Variants in TMCC1 observed in about 807,000 individuals in gnomAD.
TMCC1 encodes the protein transmembrane and coiled-coil domain family 1.
In TMCC1, 15 loss-of-function variants were observed where a neutral mutation model predicts 52.4. The ratio of observed to expected loss-of-function variants is 0.29; its 90% confidence interval spans 0.19 to 0.44. The LOEUF is 0.44. TMCC1 is among the 20% of genes least tolerant of loss of function. The probability of loss-of-function intolerance (pLI) is 1.00; values close to 1 mark genes in which losing one functional copy is unlikely to be tolerated. For missense variants in TMCC1, 503 were observed against 806.0 expected (o/e 0.62, Z 4.55); for synonymous variants, 279 against 301.9 (o/e 0.92, Z 0.79).
chr3:129,707,478 T>C (rs1576523189), intron 4 of TMCC1, among the ~76,000 whole-genome samples: 1 of 152,216 alleles, frequency 6.6e-6, no homozygotes, highest in African/African-American at 2.4e-5. Context: ...ACCTCTGTTT[T>C]CAAGCCATTA....
chr3:129,813,605 G>C (rs932566066), intron 4 of TMCC1, among the ~76,000 whole-genome samples: 3 of 152,036 alleles, frequency 2.0e-5, no homozygotes, highest in African/African-American at 7.2e-5. Context: ...ATTTAGTATG[G>C]ACACAAAGAA....
chr3:129,862,375 T>C (rs1019283803), intron 2 of TMCC1, among the ~76,000 whole-genome samples: 3 of 152,168 alleles, frequency 2.0e-5, no homozygotes, highest in Non-Finnish European at 4.4e-5. Flanking sequence ...ATATAAAATA[T>C]ATCTCAAAAA....
At chr3:129,861,596 C>A (rs893432933) in intron 2 of TMCC1, among the ~76,000 whole-genome samples, 2 of 152,026 alleles carry the variant, frequency 1.3e-5, no homozygotes. Context: ...AGAAAATATC[C>A]AAATGGCCAA....
chr3:129,768,445 C>A lies in TMCC1; in HGVS notation c.576+59358G>T, dbSNP rs188511649. Among the ~76,000 whole-genome samples the A allele has an allele frequency of 6.2e-4, 95 of 152,222 alleles. 1 individual carries two copies. In the East Asian group the frequency reaches 0.011, roughly 18 times the overall value. On this transcript the variant is annotated intron_variant, in intron 4 of 6. Transcript: ENST00000393238. ...TTTAGTGAGAAGTACCTAGTGAGAACTGATTTAAGCAACTAGATCTAAGGT... is the reference window on the plus strand; with the variant it reads ...TTTAGTGAGAAGTACCTAGTGAGAAATGATTTAAGCAACTAGATCTAAGGT...
At chr3:129,797,570 C>T (rs1243897088) in intron 4 of TMCC1, among the ~76,000 whole-genome samples, 3 of 151,904 alleles carry the variant, frequency 2.0e-5, no homozygotes, top group East Asian at 3.9e-4. Flanking sequence ...GGTGAAACAC[C>T]ATCTCTACAA....
At chr3:129,688,305 T>G in intron 4 of TMCC1, 1 of 985,398 alleles carries the variant, frequency 1.0e-6, no homozygotes, top group Non-Finnish European at 1.2e-6. Flanking sequence ...ATAAGCTCTT[T>G]CCATTTGTTC....
At chr3:129,788,443 G>A (rs2107741981) in intron 4 of TMCC1, among the ~76,000 whole-genome samples, 1 of 152,116 alleles carries the variant, frequency 6.6e-6, no homozygotes. Context: ...ACATGACATT[G>A]ATCTTACTGG....
At chr3:129,759,361 G>C (rs886175218) in intron 4 of TMCC1, among the ~76,000 whole-genome samples, 2 of 150,746 alleles carry the variant, frequency 1.3e-5, no homozygotes, top group Admixed American at 1.3e-4. Flanking sequence ...TGGGCCTCCT[G>C]GTTTCAAGCG....
intron 2 of TMCC1, among the ~76,000 whole-genome samples, chr3:129,866,331 CATAAT>C (rs1010065533): frequency 9.4e-5 from 13 of 137,734 alleles, no homozygotes; most frequent in African/African-American, 3.5e-4. Flanking sequence ...TACATATATA[CATAAT>C]ATATATTATA....
At chr3:129,859,331 A>C (rs1441043992) in intron 2 of TMCC1, among the ~76,000 whole-genome samples, 4 of 152,178 alleles carry the variant, frequency 2.6e-5, no homozygotes, top group Non-Finnish European at 5.9e-5. Context: ...AGTATGAGAT[A>C]AACCATAAAA....
intron 4 of TMCC1, among the ~76,000 whole-genome samples, chr3:129,801,742 G>A (rs754168077): frequency 1.3e-5 from 2 of 152,192 alleles, no homozygotes; most frequent in Non-Finnish European, 1.5e-5. Flanking sequence ...GCCCATGCCT[G>A]TTTTTGCATT....
chr3:129,656,380 A>C (rs1451126804), intron 5 of TMCC1, among the ~76,000 whole-genome samples: 5 of 152,236 alleles, frequency 3.3e-5, no homozygotes, highest in African/African-American at 1.2e-4. Context: ...CATTAACACC[A>C]GCATGTGAGT....
At chr3:129,751,028 C>T (rs543197939) in intron 4 of TMCC1, among the ~76,000 whole-genome samples, 71 of 151,996 alleles carry the variant, frequency 4.7e-4, no homozygotes, top group African/African-American at 1.7e-3. Flanking sequence ...GGTAAAACTC[C>T]ATCTTTACAA....
At chr3:129,696,190 G>A (rs1375490728) in intron 4 of TMCC1, among the ~76,000 whole-genome samples, 1 of 152,192 alleles carries the variant, frequency 6.6e-6, no homozygotes, top group African/African-American at 2.4e-5. Context: ...GTCTCTAAGG[G>A]CAGCTACTAT....
chr3:129,791,088 ATTTTTTT>A (rs34048545), intron 4 of TMCC1, among the ~76,000 whole-genome samples: 20 of 82,974 alleles, frequency 2.4e-4, no homozygotes, highest in Admixed American at 1.3e-3. Context: ...ACACTCCATA[ATTTTTTT>A]TTTTTTTTTT....
chr3:129,838,433 AG>A (rs1229265936), intron 2 of TMCC1, among the ~76,000 whole-genome samples: 1 of 151,818 alleles, frequency 6.6e-6, no homozygotes, highest in Admixed American at 6.6e-5. Flanking sequence ...AAAGAAAAAA[AG>A]AAAAAGAAAC....
At chr3:129,874,282 T>C (rs1011569842) in intron 2 of TMCC1, among the ~76,000 whole-genome samples, 5 of 152,222 alleles carry the variant, frequency 3.3e-5, no homozygotes, top group Non-Finnish European at 7.3e-5. Context: ...ACAAAGTACC[T>C]AAAAATTATT....
intron 2 of TMCC1, among the ~76,000 whole-genome samples, chr3:129,841,448 A>G (rs1242451743): frequency 6.6e-6 from 1 of 152,140 alleles, no homozygotes; most frequent in African/African-American, 2.4e-5. Context: ...TTAGCTGGGC[A>G]TGGTGGCATA....
At chr3:129,824,535 A>C (rs550279434) in intron 4 of TMCC1, among the ~76,000 whole-genome samples, 3 of 152,182 alleles carry the variant, frequency 2.0e-5, no homozygotes, top group African/African-American at 7.2e-5. Flanking sequence ...CAATGAATAC[A>C]TATTTATATT....
Sources: gnomAD v4.1 joint callset for allele counts (sites outside exome capture counted in the v4.1 genomes callset) on GRCh38, gnomAD v4.1.1 for gene constraint, MANE v1.5 for transcripts, NCBI Gene and HGNC (gene_info 2026-07-23, HGNC 2026-07-21) for gene names.